The following RPS6KC1 variants were observed in gnomAD, a reference collection of about 807,000 sequenced individuals.
RPS6KC1 encodes inactive ribosomal protein S6 kinase delta-1.
RPS6KC1 carries 54 observed loss-of-function variants against 103.8 expected under a neutral mutation model. The observed-to-expected ratio is 0.52, with a 90% CI of 0.42 to 0.65. The LOEUF (loss-of-function observed/expected upper bound fraction) is 0.65. Ranked by LOEUF, RPS6KC1 falls within the 30% of genes least tolerant of loss-of-function variation. The pLI is 0.00. For missense variants in RPS6KC1, 1,151 were observed against 1,253.8 expected (o/e 0.92, Z 1.24); for synonymous variants, 439 against 438.7 (o/e 1.00, Z -0.01).
At chr1:213,809,790 A>G in the RPS6KC1 span, among the ~76,000 whole-genome samples, 1 of 152,186 alleles carries the variant, frequency 6.6e-6, no homozygotes, top group Non-Finnish European at 1.5e-5. Context: ...AATGCTGTAA[A>G]TAGACAGCAT....
chr1:213,747,016 G>A, the RPS6KC1 span, among the ~76,000 whole-genome samples: 127,941 of 152,176 alleles, frequency 0.84, 54,170 homozygotes, highest in Middle Eastern at 0.96. Flanking sequence ...TTAAATATAA[G>A]TTTGGGAGCT....
At chr1:213,195,846 G>GTGTGTGTGTGTGTGTGTA (rs553713944) in intron 8 of RPS6KC1, among the ~76,000 whole-genome samples, 1 of 150,946 alleles carries the variant, frequency 6.6e-6, no homozygotes, top group African/African-American at 2.4e-5. Context: ...GTGTGTGTGT[G>GTGTGTGTGTGTGTGTGTA]TATATATATA....
the RPS6KC1 span, among the ~76,000 whole-genome samples, chr1:213,677,546 C>A: frequency 1.3e-5 from 2 of 152,208 alleles, no homozygotes; most frequent in Non-Finnish European, 2.9e-5. Context: ...ATTTTAGGAA[C>A]TCCCCATGTG....
At chr1:213,638,283 G>A in the RPS6KC1 span, among the ~76,000 whole-genome samples, 805 of 151,890 alleles carry the variant, frequency 5.3e-3, 13 homozygotes, top group African/African-American at 0.018. Context: ...TAAATGTTTT[G>A]TTTGAATTGT....
At chr1:213,466,786 A>G in the RPS6KC1 span, among the ~76,000 whole-genome samples, 1 of 152,058 alleles carries the variant, frequency 6.6e-6, no homozygotes, top group South Asian at 2.1e-4. Context: ...AGATAAGAAT[A>G]TATGCAAGCC....
the RPS6KC1 span, among the ~76,000 whole-genome samples, chr1:213,829,497 G>A: frequency 6.6e-6 from 1 of 152,092 alleles, no homozygotes; most frequent in Non-Finnish European, 1.5e-5. Context: ...ATCAAAGCCT[G>A]GAGTGCTCCA....
chr1:213,837,176 C>A, the RPS6KC1 span: 1 of 152,074 alleles, frequency 6.6e-6, no homozygotes. Context: ...TCTGTTCCAA[C>A]AGGCCAGTTT....
the RPS6KC1 span, among the ~76,000 whole-genome samples, chr1:213,298,608 T>G: frequency 6.6e-6 from 1 of 152,120 alleles, no homozygotes; most frequent in African/African-American, 2.4e-5. Context: ...TCTTTTCTGT[T>G]TTTTTATCTC....
At chr1:213,119,655 G>A (rs1421299892) in intron 5 of RPS6KC1, among the ~76,000 whole-genome samples, 3 of 151,610 alleles carry the variant, frequency 2.0e-5, no homozygotes, top group Non-Finnish European at 2.9e-5. Context: ...GTCAACCATG[G>A]TGAAAGAACG....
chr1:213,584,817 TG>T, the RPS6KC1 span, among the ~76,000 whole-genome samples: 6 of 152,146 alleles, frequency 3.9e-5, no homozygotes, highest in African/African-American at 1.4e-4. Flanking sequence ...GCTTGGGAGG[TG>T]GGTCCCCCAG....
the RPS6KC1 span, among the ~76,000 whole-genome samples, chr1:213,508,658 T>C: frequency 3.3e-5 from 5 of 152,170 alleles, no homozygotes; most frequent in African/African-American, 1.2e-4. Context: ...AGCCTCAATT[T>C]CCACATATAA....
At chr1:213,122,810 C>A (rs2084547057) in intron 5 of RPS6KC1, among the ~76,000 whole-genome samples, 1 of 151,942 alleles carries the variant, frequency 6.6e-6, no homozygotes, top group Non-Finnish European at 1.5e-5. Flanking sequence ...TTCCCTGCCC[C>A]CAGTTGAATT....
chr1:213,462,077 A>G, the RPS6KC1 span, among the ~76,000 whole-genome samples: 17 of 152,328 alleles, frequency 1.1e-4, no homozygotes, highest in African/African-American at 4.1e-4. Context: ...TTTACAAGAA[A>G]AAACCCCATC....
At chr1:213,289,987 C>G in the RPS6KC1 span, among the ~76,000 whole-genome samples, 1 of 151,838 alleles carries the variant, frequency 6.6e-6, no homozygotes, top group Non-Finnish European at 1.5e-5. Context: ...TGCAGTGAGC[C>G]GAGATCGCAC....
intron 10 of RPS6KC1, among the ~76,000 whole-genome samples, chr1:213,235,574 A>G (rs2094203590): frequency 6.6e-6 from 1 of 152,098 alleles, no homozygotes; most frequent in Non-Finnish European, 1.5e-5. Context: ...ATGTAAGGAA[A>G]GGATGTCTTG....
At chr1:213,828,975 T>C in the RPS6KC1 span, among the ~76,000 whole-genome samples, 4 of 152,200 alleles carry the variant, frequency 2.6e-5, no homozygotes, top group Admixed American at 6.5e-5. Flanking sequence ...ATTACTTTTA[T>C]ACAGTGTAAA....
the RPS6KC1 span, among the ~76,000 whole-genome samples, chr1:213,321,588 T>G: frequency 6.6e-6 from 1 of 151,980 alleles, no homozygotes; most frequent in African/African-American, 2.4e-5. Flanking sequence ...AGGTATTTAT[T>G]GAGCACCTAC....
chr1:213,706,534 G>A, the RPS6KC1 span, among the ~76,000 whole-genome samples: 1 of 152,028 alleles, frequency 6.6e-6, no homozygotes, highest in African/African-American at 2.4e-5. Context: ...GATACTTTGA[G>A]TTCTCACCTG....
intron 1 of RPS6KC1, among the ~76,000 whole-genome samples, chr1:213,068,346 T>G (rs1380991076): frequency 2.6e-5 from 4 of 151,848 alleles, no homozygotes; most frequent in Admixed American, 1.3e-4. Context: ...TCGCTGGGCA[T>G]GGTAGCACAT....
Sources: gnomAD v4.1 joint callset for allele counts (sites outside exome capture counted in the v4.1 genomes callset) on GRCh38, gnomAD v4.1.1 for gene constraint, MANE v1.5 for transcripts, NCBI Gene and HGNC (gene_info 2026-07-23, HGNC 2026-07-21) for gene names.